LRRTM4: variants seen among roughly 807,000 people sequenced by gnomAD.
LRRTM4 encodes leucine-rich repeat transmembrane neuronal protein 4.
In LRRTM4, 25 loss-of-function variants were observed where a neutral mutation model predicts 47.6. The ratio of observed to expected loss-of-function variants is 0.53; its 90% confidence interval spans 0.38 to 0.73. LRRTM4 has a LOEUF of 0.73. Ranked by LOEUF, LRRTM4 falls within the 30% of genes least tolerant of loss-of-function variation. LRRTM4 has a pLI of 0.00. For synonymous variants in LRRTM4, 311 were observed against 269.5 expected (o/e 1.15, Z -1.51); for missense variants, 638 against 713.4 (o/e 0.89, Z 1.20).
intron 3 of LRRTM4, among the ~76,000 whole-genome samples, chr2:77,324,664 G>A (rs1014712500): frequency 6.6e-6 from 1 of 152,118 alleles, no homozygotes; most frequent in African/African-American, 2.4e-5. Context: ...GAAGTGGCTG[G>A]AGAGGTTGAC....
chr2:76,999,393 C>T (rs899643088), intron 3 of LRRTM4, among the ~76,000 whole-genome samples: 2 of 150,428 alleles, frequency 1.3e-5, no homozygotes, highest in African/African-American at 4.9e-5. Context: ...AGGGGCCAAT[C>T]GTAGAGCTGC....
chr2:77,048,388 C>T (rs1051967129), intron 3 of LRRTM4, among the ~76,000 whole-genome samples: 7 of 151,970 alleles, frequency 4.6e-5, no homozygotes, highest in African/African-American at 7.2e-5. Context: ...TTAAAAAGTA[C>T]ATGAACTGCC....
At chr2:77,225,558 G>T (rs1674781919) in intron 3 of LRRTM4, among the ~76,000 whole-genome samples, 1 of 152,020 alleles carries the variant, frequency 6.6e-6, no homozygotes, top group Admixed American at 6.6e-5. Flanking sequence ...TAGGTAAATA[G>T]TGGGAACTGT....
At chr2:77,108,822 A>G (rs1368063037) in intron 3 of LRRTM4, among the ~76,000 whole-genome samples, 1 of 152,100 alleles carries the variant, frequency 6.6e-6, no homozygotes, top group Non-Finnish European at 1.5e-5. Flanking sequence ...TGACCTCGTG[A>G]TCCGCCCGCC....
intron 3 of LRRTM4, among the ~76,000 whole-genome samples, chr2:76,840,151 C>T (rs539189915): frequency 2.0e-5 from 3 of 152,178 alleles, no homozygotes; most frequent in East Asian, 3.9e-4. Flanking sequence ...AGAAGTATAA[C>T]GTGAAGACAG....
intron 3 of LRRTM4, among the ~76,000 whole-genome samples, chr2:76,773,433 C>T (rs917824793): frequency 2.6e-5 from 4 of 152,094 alleles, no homozygotes; most frequent in Admixed American, 6.6e-5. Context: ...TCTTCTTTGA[C>T]AAAACTCATA....
Position 76,985,689 on chromosome 2 carries a change from T to C in LRRTM4, c.1552-236773A>G, listed in dbSNP as rs118186588. Among the ~76,000 whole-genome samples the C allele has an allele frequency of 6.4e-4, 97 of 152,048 alleles. No individual in the cohort carries two copies. In the East Asian group the frequency reaches 0.016, roughly 24 times the overall value. On this transcript the variant is annotated intron_variant, in intron 3 of 3. Coordinates refer to ENST00000409884, the MANE Select transcript of LRRTM4 (RefSeq NM_001134745.3). ...GGCTTCTGACTAATGTGAGAGGCAA[T>C]CAAAAAGGAGATAAAATCTAATGCT...
At chr2:77,480,842 A>AGAGC (rs1677671681) in intron 3 of LRRTM4, among the ~76,000 whole-genome samples, 1 of 139,400 alleles carries the variant, frequency 7.2e-6, no homozygotes, top group Non-Finnish European at 1.5e-5. Flanking sequence ...AGAGAGAGAG[A>AGAGC]GAGAGAGAGA....
intron 3 of LRRTM4, among the ~76,000 whole-genome samples, chr2:77,477,903 A>AAACG (rs1677480744): frequency 2.7e-5 from 3 of 109,868 alleles, no homozygotes; most frequent in African/African-American, 1.1e-4. Context: ...AAAAGAAAGA[A>AAACG]AAAGAAAGAA....
chr2:77,305,403 TCA>T (rs1272395270), intron 3 of LRRTM4, among the ~76,000 whole-genome samples: 5 of 152,074 alleles, frequency 3.3e-5, no homozygotes, highest in Non-Finnish European at 7.4e-5. Flanking sequence ...AATACTAATC[TCA>T]GTTTCAATAT....
intron 3 of LRRTM4, among the ~76,000 whole-genome samples, chr2:77,218,693 T>C (rs1282881335): frequency 6.6e-6 from 1 of 152,118 alleles, no homozygotes; most frequent in Non-Finnish European, 1.5e-5. Context: ...TATTGAAGAT[T>C]TCTCCTAACA....
At chr2:77,260,067 G>A (rs1217121542) in intron 3 of LRRTM4, among the ~76,000 whole-genome samples, 1 of 151,996 alleles carries the variant, frequency 6.6e-6, no homozygotes, top group Non-Finnish European at 1.5e-5. Context: ...TCTAATAGAT[G>A]ATAGGGTTTC....
intron 3 of LRRTM4, among the ~76,000 whole-genome samples, chr2:77,390,166 A>G (rs1673444599): frequency 1.3e-5 from 2 of 152,060 alleles, no homozygotes; most frequent in Non-Finnish European, 2.9e-5. Context: ...ACTTTTCAAC[A>G]TTTGTCCTAT....
At chr2:77,415,157 T>A (rs568596147) in intron 3 of LRRTM4, among the ~76,000 whole-genome samples, 1 of 152,364 alleles carries the variant, frequency 6.6e-6, no homozygotes, top group African/African-American at 2.4e-5. Context: ...TTGCTCACTT[T>A]ATCCAAATAT....
chr2:77,444,958 C>A (rs550756621), intron 3 of LRRTM4, among the ~76,000 whole-genome samples: 1 of 143,922 alleles, frequency 6.9e-6, no homozygotes, highest in African/African-American at 2.6e-5. Context: ...CATACACACA[C>A]ACACACACAC....
At chr2:76,925,044 G>A (rs76398957) in intron 3 of LRRTM4, among the ~76,000 whole-genome samples, 2,026 of 152,104 alleles carry the variant, frequency 0.013, 45 homozygotes, top group African/African-American at 0.047. Context: ...GAGAGTCGAT[G>A]GGCTGCCTCT....
intron 3 of LRRTM4, among the ~76,000 whole-genome samples, chr2:77,315,672 T>C (rs1004594856): frequency 3.9e-5 from 6 of 152,144 alleles, no homozygotes; most frequent in African/African-American, 1.4e-4. Flanking sequence ...TTGGGGGTGG[T>C]AAGAGCAATA....
intron 3 of LRRTM4, among the ~76,000 whole-genome samples, chr2:76,995,801 T>C (rs894581122): frequency 3.3e-5 from 5 of 152,008 alleles, no homozygotes; most frequent in Admixed American, 2.0e-4. Flanking sequence ...TGGAAACAAC[T>C]AGACACACAT....
At chr2:76,895,442 G>C (rs1308678913) in intron 3 of LRRTM4, among the ~76,000 whole-genome samples, 1 of 152,006 alleles carries the variant, frequency 6.6e-6, no homozygotes, top group Non-Finnish European at 1.5e-5. Flanking sequence ...AACAAAGGTA[G>C]GCTTATATGA....
Sources: gnomAD v4.1 joint callset for allele counts (sites outside exome capture counted in the v4.1 genomes callset) on GRCh38, gnomAD v4.1.1 for gene constraint, MANE v1.5 for transcripts, NCBI Gene and HGNC (gene_info 2026-07-23, HGNC 2026-07-21) for gene names.